The following SYTL4 variants were observed in gnomAD, a reference collection of about 807,000 sequenced individuals.
SYTL4 encodes synaptotagmin like 4, also known as synaptotagmin-like protein 4.
SYTL4 carries 16 observed loss-of-function variants against 52.7 expected under a neutral mutation model. The observed-to-expected ratio is 0.30, with a 90% CI of 0.21 to 0.46. SYTL4 has a LOEUF of 0.46. Ranked by LOEUF, SYTL4 falls within the 20% of genes least tolerant of loss-of-function variation. The pLI, the probability that SYTL4 is intolerant of heterozygous loss-of-function variation, is 1.00. For missense variants in SYTL4, 423 were observed against 519.9 expected (o/e 0.81, Z 1.81); for synonymous variants, 160 against 186.6 (o/e 0.86, Z 1.16).
intron 2 of SYTL4, among the ~76,000 whole-genome samples, chrX:100,714,451 G>C (rs1024503258): frequency 9.0e-6 from 1 of 110,760 alleles, no homozygotes; most frequent in South Asian, 3.9e-4. Flanking sequence ...AGTAGAGACA[G>C]GGTTTCACCG....
Position 100,675,776 on chromosome X carries a change from T to G in SYTL4, c.*252A>C. 1 of 286,224 alleles carries G rather than the reference T, an allele frequency of 3.5e-6. No homozygotes were observed. The highest frequency in any genetic ancestry group is 6.1e-6 in the Non-Finnish European group (1 of 163,906). The allele number at this position is 286,224 out of a possible 1,213,427, so 23.6% of individuals were successfully genotyped here. On this transcript the variant is annotated 3_prime_UTR_variant, in exon 20 of 20. Transcript: ENST00000372989. ...AAATGGACTCTGAAAATAAACTAGA[T>G]TATACACAGAAACATTTTAAAGAAA... is the stretch of plus-strand genomic sequence containing the variant.
At chrX:100,691,265 T>G in intron 8 of SYTL4, 56 bp from the exon 9 acceptor site, 1 of 881,823 alleles carries the variant, frequency 1.1e-6, no homozygotes, top group Non-Finnish European at 1.6e-6. Context: ...CTGCCTCTAG[T>G]CAGGCCTCTT....
intron 8 of SYTL4, 76 bp from the exon 9 acceptor site, chrX:100,691,285 T>C: frequency 1.5e-6 from 1 of 672,113 alleles, no homozygotes; most frequent in South Asian, 2.4e-5. Flanking sequence ...TTCCAATCCA[T>C]TCACAATCGT....
At chrX:100,695,587 C>A (rs1050544546) in intron 8 of SYTL4, among the ~76,000 whole-genome samples, 1 of 111,866 alleles carries the variant, frequency 8.9e-6, no homozygotes, top group Non-Finnish European at 1.9e-5. Context: ...ATAAAAATCA[C>A]AGTCCATATA....
intron 2 of SYTL4, among the ~76,000 whole-genome samples, chrX:100,709,971 G>T (rs2084036130): frequency 9.0e-6 from 1 of 111,498 alleles, no homozygotes; most frequent in African/African-American, 3.3e-5. Context: ...AATTTATAGT[G>T]ATTAATTTTA....
At position 100,700,769 on chromosome X, in the gene SYTL4, T is replaced by C. The variant is rs1263617269; in HGVS notation, c.539+128A>G. On this transcript the variant is annotated intron_variant, in intron 8 of 19. Transcript: ENST00000372989. Reference sequence around the variant, plus strand: ...GAATGATTTTTTCCCTCCTTTACTATTTTCTGTACTTTTCAAGTTTTCCTA... The same window carrying C: ...GAATGATTTTTTCCCTCCTTTACTACTTTCTGTACTTTTCAAGTTTTCCTA... 4 of 520,951 alleles carry C rather than the reference T, an allele frequency of 7.7e-6. No individual in the cohort carries two copies. The East Asian group carries it at 1.1e-4, about 14-fold the overall frequency. The allele number at this position is 520,951 out of a possible 1,213,427, so 42.9% of individuals were successfully genotyped here. A position where few individuals can be genotyped will look rare whatever the true frequency, so the allele number is the denominator to read the frequency against.
intron 8 of SYTL4, among the ~76,000 whole-genome samples, chrX:100,692,230 A>G (rs940000577): frequency 8.9e-6 from 1 of 111,734 alleles, no homozygotes; most frequent in Non-Finnish European, 1.9e-5. Flanking sequence ...TTTCCTAGTA[A>G]CAGTCACCAC....
chrX:100,675,913 C>CACACACACATACACACAT lies in SYTL4; in HGVS notation c.*114_*115insATGTGTGTATGTGTGTGT, dbSNP rs1556016198. On this transcript the variant is annotated 3_prime_UTR_variant, in exon 20 of 20. Transcript: ENST00000372989. Reference sequence around the variant, plus strand: ...GTACACATACACACACACACACACACACACACATACACACATACACACATA... The same window carrying CACACACACATACACACAT: ...GTACACATACACACACACACACACACACACACACATACACACATACACACATACACACATACACACATA... The CACACACACATACACACAT allele has an allele frequency of 1.5e-6, 1 of 684,628 alleles. No homozygotes were observed. Among genetic ancestry groups the CACACACACATACACACAT allele is most frequent in the Admixed American group, 3.6e-5 (1 of 27,818 alleles). 56.4% of individuals were successfully genotyped at this position (684,628 alleles called of 1,213,427 possible).
At chrX:100,724,675 TG>T (rs2084469989) in intron 2 of SYTL4, among the ~76,000 whole-genome samples, 1 of 101,351 alleles carries the variant, frequency 9.9e-6, no homozygotes, top group African/African-American at 3.7e-5. Context: ...GAAGGCAGCA[TG>T]CTCGTTAAGA....
At chrX:100,687,411 T>C (rs1019757151) in intron 13 of SYTL4, 166 bp from the exon 14 acceptor site, 11 of 437,313 alleles carry the variant, frequency 2.5e-5, no homozygotes, top group Admixed American at 4.2e-5. Context: ...AAGAGAGAAC[T>C]ACCAGCACTC....
chrX:100,686,818 C>G, intron 14 of SYTL4, 37 bp from the exon 15 acceptor site: 1 of 1,099,743 alleles, frequency 9.1e-7, no homozygotes, highest in Non-Finnish European at 1.3e-6. Context: ...ATTTGCTGGC[C>G]TTTCTCAAGC....
At chrX:100,677,571 A>G (rs1851266420) in intron 19 of SYTL4, among the ~76,000 whole-genome samples, 1 of 112,195 alleles carries the variant, frequency 8.9e-6, no homozygotes, top group Admixed American at 9.5e-5. Context: ...TCCGAGACTA[A>G]GCTCTGCCAA....
intron 2 of SYTL4, among the ~76,000 whole-genome samples, chrX:100,713,619 A>AGG (rs200868065): frequency 5.3e-4 from 4 of 7,477 alleles, no homozygotes; most frequent in African/African-American, 7.3e-4. Context: ...TTGCCTCAAA[A>AGG]GGGGGAAAAA....
intron 16 of SYTL4, among the ~76,000 whole-genome samples, chrX:100,683,164 C>G (rs2083413002): frequency 1.6e-5 from 1 of 64,448 alleles, no homozygotes; most frequent in Non-Finnish European, 2.8e-5. Flanking sequence ...TTTTTTGAGA[C>G]AGGGTTTCAT....
chrX:100,711,416 T>A (rs2084065524), intron 2 of SYTL4, among the ~76,000 whole-genome samples: 1 of 111,770 alleles, frequency 8.9e-6, no homozygotes, highest in African/African-American at 3.3e-5. Context: ...AAAGCAGTTA[T>A]TATAACTGCA....
At chrX:100,705,543 A>T (rs1342597450) in intron 2 of SYTL4, among the ~76,000 whole-genome samples, 2 of 111,771 alleles carry the variant, frequency 1.8e-5, no homozygotes, top group Non-Finnish European at 3.8e-5. Context: ...GCGCAAAAAA[A>T]TCAGTGGCTC....
chrX:100,728,738 A>ACTT (rs1240458012), intron 2 of SYTL4, among the ~76,000 whole-genome samples: 1 of 111,696 alleles, frequency 9.0e-6, no homozygotes, highest in Non-Finnish European at 1.9e-5. Context: ...AGAGACTCAT[A>ACTT]CTTTTAAAAA....
chrX:100,685,934 T>C (rs2147701452), intron 16 of SYTL4, 56 bp downstream of exon 16: 1 of 1,095,893 alleles, frequency 9.1e-7, no homozygotes, highest in East Asian at 3.2e-5. Context: ...CAGCAGAGGC[T>C]ACTGCAGACA....
chrX:100,708,085 G>A (rs1253746569), intron 2 of SYTL4, among the ~76,000 whole-genome samples: 2 of 104,188 alleles, frequency 1.9e-5, no homozygotes, highest in African/African-American at 3.5e-5. Flanking sequence ...GGGGTGGGGG[G>A]CTAGGGGAGG....
Sources: allele counts gnomAD v4.1 joint callset (sites outside exome capture counted in the v4.1 genomes callset), GRCh38; gene constraint gnomAD v4.1.1; transcripts MANE v1.5; gene names NCBI Gene and HGNC (gene_info 2026-07-23, HGNC 2026-07-21).